Variants in RIN2 observed in about 807,000 individuals in gnomAD.
RIN2 encodes RAB5 interacting protein 2.
In RIN2, 36 loss-of-function variants were observed where a neutral mutation model predicts 78.0. The ratio of observed to expected loss-of-function variants is 0.46; its 90% CI spans 0.35 to 0.61. The LOEUF is 0.61. Ranked by LOEUF, RIN2 falls within the 20% of genes least tolerant of loss-of-function variation. RIN2 has a pLI of 0.00. For synonymous variants in RIN2, 466 were observed against 466.8 expected, an observed-to-expected ratio of 1.00 and a Z score of 0.02; for missense variants, 1,087 against 1,159.7, an observed-to-expected ratio of 0.94 and a Z score of 0.91.
At chr20:19,917,718 A>G (rs1198794062) in intron 3 of RIN2, among the ~76,000 whole-genome samples, 1 of 151,928 alleles carries the variant, frequency 6.6e-6, no homozygotes, top group Non-Finnish European at 1.5e-5. Flanking sequence ...ATATTGATAT[A>G]TTGACATACA....
At chr20:19,816,602 G>A (rs6112589) in intron 2 of RIN2, among the ~76,000 whole-genome samples, 22,414 of 152,192 alleles carry the variant, frequency 0.15, 1,868 homozygotes, top group South Asian at 0.22. Flanking sequence ...AGCATGGAGA[G>A]CTTGAGGTGG....
intron 2 of RIN2, among the ~76,000 whole-genome samples, chr20:19,858,325 G>A (rs558352846): frequency 2.6e-5 from 4 of 152,262 alleles, no homozygotes; most frequent in South Asian, 2.1e-4. Context: ...TTAGGAAAGC[G>A]AGGCCAACAA....
chr20:19,769,279 AAGGGTAAGTAATGAATAGGATAG>A (rs1395623045), intron 1 of RIN2, among the ~76,000 whole-genome samples: 1 of 152,152 alleles, frequency 6.6e-6, no homozygotes, highest in Non-Finnish European at 1.5e-5. Context: ...GAGTTCCTTG[AAGGGTAAGTAATGAATAGGATAG>A]AGGACATTGA....
chr20:19,982,983 C>T (rs1280736208), intron 9 of RIN2, among the ~76,000 whole-genome samples: 1 of 152,208 alleles, frequency 6.6e-6, no homozygotes, highest in Non-Finnish European at 1.5e-5. Flanking sequence ...ATATTGGCTG[C>T]CTTCTCTCCC....
At chr20:19,900,958 A>G (rs2038954947) in intron 3 of RIN2, among the ~76,000 whole-genome samples, 1 of 149,512 alleles carries the variant, frequency 6.7e-6, no homozygotes, top group African/African-American at 2.5e-5. Context: ...AAAAAAAAAA[A>G]AAAAAAAAAA....
intron 2 of RIN2, chr20:19,823,518 A>G (rs2035991636): frequency 9.3e-6 from 10 of 1,077,328 alleles, no homozygotes; most frequent in Middle Eastern, 2.9e-4. Context: ...GGCCATCAAC[A>G]TTACAGCCCA....
Position 19,914,603 on chromosome 20 carries a change from C to T in RIN2, c.58-20496C>T, listed in dbSNP as rs114364646. 1.5e-3 allele frequency among the ~76,000 whole-genome samples: 229 copies of T among 152,280 alleles called. 2 individuals carry two copies. The highest frequency in any genetic ancestry group is 4.7e-3 in the African/African-American group (196 of 41,554). On this transcript the variant is annotated intron_variant, in intron 3 of 12. Coordinates refer to ENST00000255006, the MANE Select transcript of RIN2 (RefSeq NM_018993.4). ...AGCACCCACTATGTAGCCAGCTGGACGAGACACTGGATATACCGACCTGGG... is the reference window on the plus strand; with the variant it reads ...AGCACCCACTATGTAGCCAGCTGGATGAGACACTGGATATACCGACCTGGG...
chr20:19,838,935 G>A (rs1191793156), intron 2 of RIN2, among the ~76,000 whole-genome samples: 1 of 152,072 alleles, frequency 6.6e-6, no homozygotes, highest in African/African-American at 2.4e-5. Context: ...GACAACACCA[G>A]CTTGTCAGCC....
intron 2 of RIN2, among the ~76,000 whole-genome samples, chr20:19,884,375 G>A (rs2038116577): frequency 6.6e-6 from 1 of 152,040 alleles, no homozygotes; most frequent in Admixed American, 6.6e-5. Flanking sequence ...AGTGAGCCGT[G>A]ACTGCAGCAA....
chr20:19,813,723 T>TA (rs1238678917), intron 2 of RIN2, among the ~76,000 whole-genome samples: 3 of 152,210 alleles, frequency 2.0e-5, no homozygotes, highest in South Asian at 2.1e-4. Context: ...ATGTATTTTT[T>TA]AAAAAAATGA....
At chr20:19,818,447 T>C (rs1450295852) in intron 2 of RIN2, among the ~76,000 whole-genome samples, 1 of 152,234 alleles carries the variant, frequency 6.6e-6, no homozygotes, top group Admixed American at 6.5e-5. Flanking sequence ...TAATTCACTT[T>C]ATAGAACTTA....
Position 19,822,498 on chromosome 20 carries a change from A to G in RIN2, c.-37+22751A>G, listed in dbSNP as rs144696712. Reference sequence around the variant, plus strand: ...AACAGATATCCTGATTTCATCTTAAATGCTCTCTTGCTCATCTTTCCCTGA... The same window carrying G: ...AACAGATATCCTGATTTCATCTTAAGTGCTCTCTTGCTCATCTTTCCCTGA... On this transcript the variant is annotated intron_variant, in intron 2 of 12. Coordinates refer to ENST00000255006, the MANE Select transcript of RIN2 (RefSeq NM_018993.4). Among the ~76,000 whole-genome samples, 1,436 of 152,284 alleles carry G rather than the reference A, an allele frequency of 9.4e-3. 9 individuals carry two copies. Among genetic ancestry groups the G allele is most frequent in the Non-Finnish European group, 0.014 (950 of 68,028 alleles).
At chr20:19,993,977 A>G (rs1409298355) in intron 11 of RIN2, among the ~76,000 whole-genome samples, 1 of 152,204 alleles carries the variant, frequency 6.6e-6, no homozygotes, top group Non-Finnish European at 1.5e-5. Flanking sequence ...CTCAGGACAA[A>G]CATTGCTTGT....
intron 2 of RIN2, among the ~76,000 whole-genome samples, chr20:19,854,022 T>G (rs1314704312): frequency 2.0e-5 from 3 of 152,252 alleles, no homozygotes; most frequent in African/African-American, 4.8e-5. Flanking sequence ...GGTCTAACCT[T>G]TAAGTCTTTA....
intron 2 of RIN2, among the ~76,000 whole-genome samples, chr20:19,852,595 C>T (rs2037018539): frequency 6.6e-6 from 1 of 152,142 alleles, no homozygotes; most frequent in African/African-American, 2.4e-5. Flanking sequence ...CAGGAAAACA[C>T]CTGCCAAAGG....
chr20:19,916,655 A>G (rs528507867), intron 3 of RIN2, among the ~76,000 whole-genome samples: 1 of 152,328 alleles, frequency 6.6e-6, no homozygotes, highest in South Asian at 2.1e-4. Context: ...ATGATCATCA[A>G]CAGAAAGCCC....
At chr20:19,923,469 T>TAAAATAAATAAAATAAAATAAAATA (rs144067000) in intron 3 of RIN2, among the ~76,000 whole-genome samples, 4 of 97,120 alleles carry the variant, frequency 4.1e-5, no homozygotes, top group African/African-American at 1.3e-4. Context: ...TAAAATAAAA[T>TAAAATAAATAAAATAAAATAAAATA]AAATAAAATA....
At chr20:19,770,102 A>G (rs1004006369) in intron 1 of RIN2, among the ~76,000 whole-genome samples, 12 of 152,232 alleles carry the variant, frequency 7.9e-5, no homozygotes, top group African/African-American at 2.9e-4. Flanking sequence ...GAAGGTATGA[A>G]AGGCTCCAGG....
intron 3 of RIN2, among the ~76,000 whole-genome samples, chr20:19,919,338 C>T (rs2039813957): frequency 6.6e-6 from 1 of 152,196 alleles, no homozygotes; most frequent in African/African-American, 2.4e-5. Context: ...TATACACCTG[C>T]AGGCCCCTTC....
Sources: allele counts gnomAD v4.1 joint callset (sites outside exome capture counted in the v4.1 genomes callset), GRCh38; gene constraint gnomAD v4.1.1; transcripts MANE v1.5; gene names NCBI Gene and HGNC (gene_info 2026-07-23, HGNC 2026-07-21).